RAB3GAP1: variants seen among roughly 807,000 people sequenced by gnomAD.
RAB3GAP1 encodes the protein RAB3 GTPase activating protein catalytic subunit 1.
In RAB3GAP1, 86 loss-of-function variants were observed where a neutral mutation model predicts 130.7. The observed-to-expected ratio is 0.66, with a 90% CI of 0.55 to 0.79. The LOEUF (loss-of-function observed/expected upper bound fraction) is 0.79. RAB3GAP1 is among the 30% of genes least tolerant of loss of function. RAB3GAP1 has a pLI of 0.00. For missense variants in RAB3GAP1, 1,029 were observed against 1,169.4 expected, an observed-to-expected ratio of 0.88 and a Z score of 1.75; for synonymous variants, 367 against 401.7, an observed-to-expected ratio of 0.91 and a Z score of 1.03.
intron 15 of RAB3GAP1, among the ~76,000 whole-genome samples, chr2:135,134,351 A>T (rs1691625702): frequency 6.6e-6 from 1 of 152,248 alleles, no homozygotes; most frequent in Non-Finnish European, 1.5e-5. Flanking sequence ...AATAAAGTAG[A>T]ATATTTTAAT....
chr2:135,171,599 G>T (rs985263250), downstream of RAB3GAP1, among the ~76,000 whole-genome samples: 1 of 151,948 alleles, frequency 6.6e-6, no homozygotes, highest in African/African-American at 2.4e-5. Context: ...TTCAAGTTGG[G>T]GTATTTTAAA....
chr2:135,081,367 CACGT>C (rs1396528739), intron 3 of RAB3GAP1, among the ~76,000 whole-genome samples: 83 of 87,548 alleles, frequency 9.5e-4, no homozygotes, highest in African/African-American at 4.6e-3. Context: ...TATATACACA[CACGT>C]GTGTGTGTGT....
intron 22 of RAB3GAP1, among the ~76,000 whole-genome samples, chr2:135,163,329 G>A (rs894362679): frequency 8.5e-5 from 13 of 152,160 alleles, no homozygotes; most frequent in Non-Finnish European, 1.9e-4. Context: ...GTCTCCCAGA[G>A]CCTCCTTTTC....
In RAB3GAP1 at chr2:135,130,708, A is replaced by T; in HGVS notation, c.1223A>T (p.Asn408Ile). 6.2e-7 allele frequency: 1 copy of T among 1,613,058 alleles called. No homozygotes were observed. The highest frequency in any genetic ancestry group is 8.5e-7 in the Non-Finnish European group (1 of 1,179,096). Residue 408 changes from asparagine to isoleucine, a missense_variant, in exon 13 of 24, where the codon AAT (asparagine) becomes ATT (isoleucine). Asn to Ile is a moderately radical substitution (Grantham distance 149). This residue lies in a region of RAB3GAP1 where 510 missense variants were observed against 532.1 expected (regional missense o/e 0.96). Coordinates refer to ENST00000264158, the MANE Select transcript of RAB3GAP1 (RefSeq NM_012233.3). ...EESPLNNDVL[N>I]TILLFLFPDA... ...TCACCGCTAAATAATGATGTTCTTA[A>T]TACTATTCTCCTGGTAACTAAATGT...
chr2:135,087,792 T>C (rs768825501), intron 3 of RAB3GAP1, among the ~76,000 whole-genome samples: 4 of 152,226 alleles, frequency 2.6e-5, no homozygotes, highest in Non-Finnish European at 4.4e-5. Context: ...TCTACATACA[T>C]GATCAGGTAA....
chr2:135,119,519 T>G (rs1288242812), intron 7 of RAB3GAP1, among the ~76,000 whole-genome samples: 1 of 152,204 alleles, frequency 6.6e-6, no homozygotes, highest in African/African-American at 2.4e-5. Context: ...TGCTCCTTAT[T>G]ATAGGTGAAT....
downstream of RAB3GAP1, among the ~76,000 whole-genome samples, chr2:135,174,632 A>G (rs536758331): frequency 1.4e-4 from 22 of 152,318 alleles, no homozygotes; most frequent in South Asian, 4.6e-3. Flanking sequence ...GTTTGTTCAC[A>G]TTCCTCTTTC....
At chr2:135,072,881 A>T (rs1048159429) in intron 3 of RAB3GAP1, among the ~76,000 whole-genome samples, 1 of 152,160 alleles carries the variant, frequency 6.6e-6, no homozygotes, top group Non-Finnish European at 1.5e-5. Flanking sequence ...GCAGATAGGG[A>T]AGTTGTCTAC....
intron 7 of RAB3GAP1, among the ~76,000 whole-genome samples, chr2:135,117,747 TCTGCTTCTG>T (rs1691063427): frequency 2.0e-4 from 17 of 86,428 alleles, no homozygotes; most frequent in African/African-American, 4.9e-4. Flanking sequence ...TGCTTCTTCT[TCTGCTTCTG>T]CTTCTTCTGC....
Position 135,117,454 on chromosome 2 carries a change from CTGCT to C in RAB3GAP1, c.648+2075_648+2078del, listed in dbSNP as rs1394909781. On this transcript the variant is annotated intron_variant, in intron 7 of 23. Coordinates refer to ENST00000264158, the MANE Select transcript of RAB3GAP1 (RefSeq NM_012233.3). ...TCTTCTTCTTCTTCTTCTTCTTCTT[CTGCT>C]TCTGCTTCTGCTTCTGCTTCTTCTG... Among the ~76,000 whole-genome samples the C allele has an allele frequency of 3.6e-4, 39 of 109,108 alleles. 1 individual carries two copies. Among genetic ancestry groups the C allele is most frequent in the Middle Eastern group, 5.3e-3 (1 of 188 alleles). 71.6% of individuals were successfully genotyped at this position (109,108 alleles called of 152,430 possible).
intron 17 of RAB3GAP1, among the ~76,000 whole-genome samples, chr2:135,145,426 C>T (rs1691967533): frequency 6.6e-6 from 1 of 151,050 alleles, no homozygotes; most frequent in South Asian, 2.1e-4. Context: ...ACACACACTT[C>T]TTAACCTCTA....
At chr2:135,105,966 G>A (rs1302882493) in intron 5 of RAB3GAP1, among the ~76,000 whole-genome samples, 5 of 150,876 alleles carry the variant, frequency 3.3e-5, no homozygotes, top group Non-Finnish European at 5.9e-5. Context: ...CAGCCGCCCC[G>A]TCTGAGAAGT....
chr2:135,112,485 G>A (rs1011578431), intron 5 of RAB3GAP1, among the ~76,000 whole-genome samples: 12 of 152,158 alleles, frequency 7.9e-5, no homozygotes, highest in Non-Finnish European at 1.5e-4. Context: ...GCTAAAGCAC[G>A]GAGAGGTTAA....
Position 135,144,556 on chromosome 2 carries a change from CAGTCT to C in RAB3GAP1, c.1924-5812_1924-5808del, listed in dbSNP as rs1691942944. On this transcript the variant is annotated intron_variant, in intron 17 of 23. Transcript: ENST00000264158. ...CAAGTAGGAAGAGAGTTTCTCAATC[CAGTCT>C]GTGGATTTACCCAGAACTTGTACCA... Among the ~76,000 whole-genome samples, 5 of 152,322 alleles carry C rather than the reference CAGTCT, an allele frequency of 3.3e-5. No homozygotes were observed. In the East Asian group the frequency reaches 9.7e-4, roughly 29 times the overall value.
intron 6 of RAB3GAP1, 25 bp downstream of exon 6, chr2:135,113,295 A>G (rs771520261): frequency 1.2e-6 from 2 of 1,613,304 alleles, no homozygotes; most frequent in South Asian, 1.1e-5. Context: ...TTTAAAACCT[A>G]GACAAAAAAA....
At chr2:135,092,565 T>A (rs1447822054) in intron 4 of RAB3GAP1, among the ~76,000 whole-genome samples, 2 of 152,196 alleles carry the variant, frequency 1.3e-5, no homozygotes, top group Non-Finnish European at 2.9e-5. Flanking sequence ...GCTTCCAAAG[T>A]TGCTGGTATT....
rs529825019 is a variant in RAB3GAP1, at chr2:135,150,522, A to C, written c.2061+16A>C. ...GTCTTTTAAGGTGGGTCACACTTGC[A>C]GAGCTCTGGGGTCTATTTTGAGCTA... On this transcript the variant is annotated intron_variant, in intron 18 of 23. Coordinates refer to ENST00000264158, the MANE Select transcript of RAB3GAP1 (RefSeq NM_012233.3). 6.2e-7 allele frequency: 1 copy of C among 1,613,756 alleles called. No individual in the cohort carries two copies. The highest frequency in any genetic ancestry group is 2.2e-5 in the East Asian group (1 of 44,872).
At chr2:135,137,497 G>A (rs1691707780) in intron 17 of RAB3GAP1, 2 of 153,996 alleles carry the variant, frequency 1.3e-5, no homozygotes, top group Admixed American at 1.3e-4. Flanking sequence ...AGGACAGCTG[G>A]ATTAAAATAA....
At chr2:135,055,542 G>C (rs950463482) in intron 2 of RAB3GAP1, among the ~76,000 whole-genome samples, 21 of 152,024 alleles carry the variant, frequency 1.4e-4, no homozygotes, top group African/African-American at 5.1e-4. Flanking sequence ...GCTGGGCATG[G>C]TGATGTGCAC....
Sources: gnomAD v4.1 joint callset for allele counts (sites outside exome capture counted in the v4.1 genomes callset) on GRCh38, gnomAD v4.1.1 for gene constraint, gnomAD v4.1.1 regional missense constraint, MANE v1.5 for transcripts, NCBI Gene and HGNC (gene_info 2026-07-23, HGNC 2026-07-21) for gene names.